The following PLEKHA5 variants were observed in gnomAD, a reference collection of about 807,000 sequenced individuals.
The protein encoded by PLEKHA5 is pleckstrin homology domain containing A5, also known as pleckstrin homology domain-containing family A member 5.
In PLEKHA5, 55 loss-of-function variants were observed where a neutral mutation model predicts 181.9. That is an observed-to-expected ratio of 0.30 (90% confidence interval 0.24 to 0.38). PLEKHA5 has a LOEUF of 0.38. PLEKHA5 is among the 10% of genes least tolerant of loss of function. The pLI, the probability that PLEKHA5 is intolerant of heterozygous loss-of-function variation, is 1.00. For missense variants in PLEKHA5, 1,432 were observed against 1,549.5 expected (o/e 0.92, Z 1.27); for synonymous variants, 535 against 529.4 (o/e 1.01, Z -0.15).
At chr12:19,138,735 A>G (rs2036430233) in intron 3 of PLEKHA5, among the ~76,000 whole-genome samples, 1 of 152,066 alleles carries the variant, frequency 6.6e-6, no homozygotes, top group African/African-American at 2.4e-5. Context: ...TAAGACTGGG[A>G]GGATACATTC....
chr12:19,154,866 TTGCCCTGAAGGATTTCATA>T (rs1428336965), intron 3 of PLEKHA5, among the ~76,000 whole-genome samples: 5 of 152,204 alleles, frequency 3.3e-5, no homozygotes, highest in Non-Finnish European at 7.3e-5. Flanking sequence ...ATGACAAGCT[TTGCCCTGAAGGATTTCATA>T]TGCCCCAGCA....
intron 20 of PLEKHA5, among the ~76,000 whole-genome samples, chr12:19,328,211 C>T (rs2092442671): frequency 6.6e-6 from 1 of 151,974 alleles, no homozygotes; most frequent in African/African-American, 2.4e-5. Context: ...GTACTAGTAC[C>T]ATGAAGTTTT....
intron 6 of PLEKHA5, among the ~76,000 whole-genome samples, chr12:19,259,760 A>G (rs891981571): frequency 6.6e-6 from 1 of 151,340 alleles, no homozygotes; most frequent in Non-Finnish European, 1.5e-5. Flanking sequence ...GAAAAAAAAA[A>G]AAATTGAAGA....
At position 19,307,520 on chromosome 12, in the gene PLEKHA5, C is replaced by G. The variant is rs114828730; in HGVS notation, c.2038-7294C>G. On this transcript the variant is annotated intron_variant, in intron 15 of 31. Coordinates refer to ENST00000429027, the MANE Select transcript of PLEKHA5 (RefSeq NM_001256470.2). ...TGAAAAGAGTACAAGAAGCACACTG[C>G]CTAATTTCGGCTGCTATAGAACCAG... The G allele has an allele frequency of 1.6e-3, 486 of 308,010 alleles. 3 individuals carry two copies. The highest frequency in any genetic ancestry group is 0.01 in the African/African-American group (452 of 44,174). The allele number at this position is 308,010 out of a possible 1,614,324, so 19.1% of individuals were successfully genotyped here.
intron 3 of PLEKHA5, among the ~76,000 whole-genome samples, chr12:19,241,491 T>C (rs1009854375): frequency 2.6e-5 from 4 of 152,216 alleles, no homozygotes; most frequent in Non-Finnish European, 5.9e-5. Context: ...TGTGATAGGC[T>C]CATGCCTGTA....
At chr12:19,240,489 G>A (rs1460304943) in intron 3 of PLEKHA5, among the ~76,000 whole-genome samples, 3 of 147,590 alleles carry the variant, frequency 2.0e-5, no homozygotes, top group Admixed American at 6.8e-5. Flanking sequence ...TGCCCAGGCT[G>A]GAGCATAATG....
intron 3 of PLEKHA5, among the ~76,000 whole-genome samples, chr12:19,253,415 G>A (rs965418446): frequency 1.3e-5 from 2 of 151,808 alleles, no homozygotes; most frequent in African/African-American, 4.8e-5. Flanking sequence ...AAAAAGGATT[G>A]AGGCCAGACT....
At chr12:19,210,075 A>G (rs1592074612) in intron 3 of PLEKHA5, among the ~76,000 whole-genome samples, 1 of 152,192 alleles carries the variant, frequency 6.6e-6, no homozygotes, top group African/African-American at 2.4e-5. Flanking sequence ...TATTCAGTTA[A>G]TAACGTGAAA....
At chr12:19,303,883 A>G (rs1170667190) in intron 15 of PLEKHA5, 1 of 133,818 alleles carries the variant, frequency 7.5e-6, no homozygotes, top group Non-Finnish European at 1.5e-5. Context: ...AGTGGCAATC[A>G]TGGCTCACTG....
chr12:19,280,285 C>T (rs1162632773), intron 11 of PLEKHA5, among the ~76,000 whole-genome samples: 1 of 152,052 alleles, frequency 6.6e-6, no homozygotes, highest in East Asian at 1.9e-4. Context: ...ATCCACCCGC[C>T]TTGGCCTCCC....
At chr12:19,323,246 G>C (rs561514743) in intron 20 of PLEKHA5, among the ~76,000 whole-genome samples, 31 of 152,100 alleles carry the variant, frequency 2.0e-4, no homozygotes, top group Non-Finnish European at 4.3e-4. Context: ...AAGTAGTCTG[G>C]ATGTGGTGGC....
At chr12:19,344,739 T>C (rs1303143174) in intron 22 of PLEKHA5, among the ~76,000 whole-genome samples, 1 of 152,206 alleles carries the variant, frequency 6.6e-6, no homozygotes, top group Non-Finnish European at 1.5e-5. Context: ...TAAATATTTG[T>C]TGCCTTTTTA....
At chr12:19,244,992 AC>A (rs1181270071) in intron 3 of PLEKHA5, among the ~76,000 whole-genome samples, 1 of 152,136 alleles carries the variant, frequency 6.6e-6, no homozygotes, top group Non-Finnish European at 1.5e-5. Context: ...AAAAAACCCC[AC>A]CAAAAACACA....
chr12:19,209,014 A>G (rs2056346475), intron 3 of PLEKHA5, among the ~76,000 whole-genome samples: 1 of 152,190 alleles, frequency 6.6e-6, no homozygotes, highest in Non-Finnish European at 1.5e-5. Flanking sequence ...TGGAAAATGG[A>G]TATTGTGATA....
At chr12:19,176,782 C>T (rs1171235678) in intron 3 of PLEKHA5, among the ~76,000 whole-genome samples, 1 of 151,958 alleles carries the variant, frequency 6.6e-6, no homozygotes, top group East Asian at 1.9e-4. Flanking sequence ...ATATATATAT[C>T]ATATGCTACA....
At chr12:19,158,179 C>T (rs1396868553) in intron 3 of PLEKHA5, among the ~76,000 whole-genome samples, 1 of 151,892 alleles carries the variant, frequency 6.6e-6, no homozygotes, top group Non-Finnish European at 1.5e-5. Context: ...AGTGAAACCC[C>T]CATCTCTACT....
chr12:19,257,396 A>T, intron 5 of PLEKHA5, 37 bp from the exon 6 acceptor site: 1 of 1,003,854 alleles, frequency 1.0e-6, no homozygotes, highest in Non-Finnish European at 1.5e-6. Context: ...TCTAGGCATT[A>T]ATACCACATT....
At chr12:19,270,105 T>C in intron 9 of PLEKHA5, 83 bp from the exon 10 acceptor site, 1 of 830,536 alleles carries the variant, frequency 1.2e-6, no homozygotes, top group Middle Eastern at 2.4e-4. Flanking sequence ...CTTCTTTTTC[T>C]TCTTTATTCA....
chr12:19,319,653 G>T, intron 16 of PLEKHA5: 1 of 175,066 alleles, frequency 5.7e-6, no homozygotes, highest in Non-Finnish European at 1.2e-5. Context: ...CTGTGTTTTT[G>T]TTATTTTCTC....
Sources: gnomAD v4.1 joint callset for allele counts (sites outside exome capture counted in the v4.1 genomes callset) on GRCh38, gnomAD v4.1.1 for gene constraint, MANE v1.5 for transcripts, NCBI Gene and HGNC (gene_info 2026-07-23, HGNC 2026-07-21) for gene names.